WIPF2: variants seen among roughly 807,000 people sequenced by gnomAD.
WIPF2 encodes WAS/WASL interacting protein family member 2, also known as WAS/WASL-interacting protein family member 2.
A neutral mutation model predicts 38.8 loss-of-function variants in WIPF2; 23 were observed. The observed-to-expected ratio is 0.59, with a 90% CI of 0.43 to 0.84. WIPF2 has a LOEUF of 0.84. Among genes scored for constraint, WIPF2 ranks in the 40% least tolerant of loss-of-function variants. The probability of loss-of-function intolerance (pLI) is 0.00; values close to 1 mark genes in which losing one functional copy is unlikely to be tolerated. For synonymous variants in WIPF2, 210 were observed against 223.2 expected (o/e 0.94, Z 0.53); for missense variants, 574 against 580.5 (o/e 0.99, Z 0.11).
In WIPF2 at chr17:40,265,043, G is replaced by A. The variant is rs758781736; in HGVS notation, c.867G>A (p.Gly289=). 3.1e-6 allele frequency: 5 copies of A among 1,614,008 alleles called. No individual in the cohort carries two copies. Among genetic ancestry groups the A allele is most frequent in the Non-Finnish European group, 3.4e-6 (4 of 1,180,018 alleles). The change falls in exon 5 of 8, where the codon GGG becomes GGA. Residue 289 remains glycine, a synonymous_variant. Coordinates refer to ENST00000323571, the MANE Select transcript of WIPF2 (RefSeq NM_133264.5). ...ATTCTTTGCATAGGAAGACACCAGG[G>A]CCTGTCAGAGGCCTAGCACCTCCTC... ...RHNSLHRKTP[G]PVRGLAPPPP...
In WIPF2 at chr17:40,279,142, C is replaced by T. The variant is rs181317177; in HGVS notation, c.*917C>T. ...TAGGAAGATAGGGCGTGGGCCTGGG[C>T]CTTAACCTCAATCTTGTGTCTGCCT... On this transcript the variant is annotated 3_prime_UTR_variant, in exon 8 of 8. Transcript: ENST00000323571. 94 of 152,366 alleles carry T rather than the reference C, an allele frequency of 6.2e-4. No individual in the cohort carries two copies. Among genetic ancestry groups the T allele is most frequent in the Middle Eastern group, 6.8e-3 (2 of 294 alleles). The allele number at this position is 152,366 out of a possible 1,614,324, so 9.4% of individuals were successfully genotyped here. A position where few individuals can be genotyped will look rare whatever the true frequency, so the allele number is the denominator to read the frequency against.
intron 3 of WIPF2, among the ~76,000 whole-genome samples, chr17:40,261,691 G>GTT (rs1169332747): frequency 1.1e-4 from 13 of 118,262 alleles, no homozygotes; most frequent in East Asian, 2.4e-4. Context: ...GGTTTTTTTT[G>GTT]TTTTTTTTTT....
At chr17:40,249,510 C>T (rs1313983582) in intron 1 of WIPF2, among the ~76,000 whole-genome samples, 5 of 150,464 alleles carry the variant, frequency 3.3e-5, no homozygotes, top group East Asian at 3.9e-4. Context: ...AGTGCAATGG[C>T]GCAATCTTGG....
chr17:40,263,781 G>GATCT (rs1290826182), intron 4 of WIPF2, among the ~76,000 whole-genome samples: 12 of 151,506 alleles, frequency 7.9e-5, no homozygotes, highest in Non-Finnish European at 1.3e-4. Flanking sequence ...GACCTCAAGT[G>GATCT]ATCTGTCCAC....
At chr17:40,258,143 A>ATC (rs1211801439) in intron 2 of WIPF2, among the ~76,000 whole-genome samples, 5 of 152,232 alleles carry the variant, frequency 3.3e-5, no homozygotes, top group Non-Finnish European at 5.9e-5. Context: ...CACGCCTGGA[A>ATC]TCCCAGCACT....
At chr17:40,262,736 G>A (rs543272948) in intron 4 of WIPF2, 95 bp downstream of exon 4, 43 of 989,306 alleles carry the variant, frequency 4.3e-5, no homozygotes, top group South Asian at 4.0e-4. Flanking sequence ...TGGTAGAGGT[G>A]GGGGGAAGAA....
intron 5 of WIPF2, among the ~76,000 whole-genome samples, chr17:40,267,640 A>G (rs567408879): frequency 6.6e-6 from 1 of 152,242 alleles, no homozygotes; most frequent in South Asian, 2.1e-4. Flanking sequence ...CCCAGGTTCA[A>G]GTGATTGTTG....
In WIPF2 at chr17:40,278,431, G is replaced by A; in HGVS notation, c.*206G>A. Reference sequence around the variant, plus strand: ...GTGATCAGACTCTATATTGACAGTAGGATCTCAAACCCTGCATCCATCCTT... The same window carrying A: ...GTGATCAGACTCTATATTGACAGTAAGATCTCAAACCCTGCATCCATCCTT... On this transcript the variant is annotated 3_prime_UTR_variant, in exon 8 of 8. Coordinates refer to ENST00000323571, the MANE Select transcript of WIPF2 (RefSeq NM_133264.5). 1.7e-6 allele frequency: 1 copy of A among 590,472 alleles called. No homozygotes were observed. The highest frequency in any genetic ancestry group is 2.9e-5 in the East Asian group (1 of 34,416). 36.6% of individuals were successfully genotyped at this position (590,472 alleles called of 1,614,324 possible).
At chr17:40,229,299 C>T (rs192068659) in intron 1 of WIPF2, among the ~76,000 whole-genome samples, 11 of 151,854 alleles carry the variant, frequency 7.2e-5, no homozygotes, top group African/African-American at 2.2e-4. Context: ...TTAGTAGAGA[C>T]GGGGTTTCTC....
chr17:40,245,947 C>T (rs1359504107), intron 1 of WIPF2, among the ~76,000 whole-genome samples: 1 of 152,118 alleles, frequency 6.6e-6, no homozygotes, highest in Non-Finnish European at 1.5e-5. Flanking sequence ...GAGCATTGAA[C>T]AACACGTATA....
chr17:40,277,281 G>A, intron 7 of WIPF2, 97 bp downstream of exon 7: 1 of 1,041,844 alleles, frequency 9.6e-7, no homozygotes, highest in Non-Finnish European at 1.4e-6. Context: ...GGGCACAGTG[G>A]CTCATACCTA....
chr17:40,277,871 C>T (rs192971631), intron 7 of WIPF2, among the ~76,000 whole-genome samples: 380 of 151,926 alleles, frequency 2.5e-3, no homozygotes, highest in Middle Eastern at 6.8e-3. Context: ...GGATTATAGG[C>T]GTGTGCCACC....
At chr17:40,259,608 G>T (rs1264368081) in intron 2 of WIPF2, among the ~76,000 whole-genome samples, 2 of 152,134 alleles carry the variant, frequency 1.3e-5, no homozygotes, top group African/African-American at 4.8e-5. Context: ...ATAGTTTACT[G>T]TATAACTTTA....
intron 6 of WIPF2, among the ~76,000 whole-genome samples, chr17:40,275,401 CTT>C (rs1198696260): frequency 3.3e-5 from 5 of 152,178 alleles, no homozygotes; most frequent in South Asian, 2.1e-4. Context: ...ATCAGATTAA[CTT>C]TTCCAAGATT....
chr17:40,223,464 TGGA>T (rs1445653956), intron 1 of WIPF2, among the ~76,000 whole-genome samples: 1 of 151,894 alleles, frequency 6.6e-6, no homozygotes, highest in Non-Finnish European at 1.5e-5. Context: ...GTGTGAACAT[TGGA>T]GTTTTCAGGT....
intron 1 of WIPF2, among the ~76,000 whole-genome samples, chr17:40,250,608 G>A (rs1598482562): frequency 6.6e-6 from 1 of 151,910 alleles, no homozygotes; most frequent in Non-Finnish European, 1.5e-5. Context: ...CTGTGTTTCC[G>A]AACTTGAGGC....
chr17:40,234,436 C>A (rs9905347), intron 1 of WIPF2, among the ~76,000 whole-genome samples: 20,430 of 148,544 alleles, frequency 0.14, 1,449 homozygotes, highest in East Asian at 0.29. Context: ...TGTCTCAAAA[C>A]AAACAAACAA....
In WIPF2 at chr17:40,283,904, C is replaced by T. The variant is rs1480277751; in HGVS notation, c.*5679C>T. 1.3e-5 allele frequency: 2 copies of T among 152,186 alleles called. No homozygotes were observed. Among genetic ancestry groups the T allele is most frequent in the Non-Finnish European group, 2.9e-5 (2 of 68,044 alleles). The allele number at this position is 152,186 out of a possible 1,614,324, so 9.4% of individuals were successfully genotyped here. On this transcript the variant is annotated 3_prime_UTR_variant, in exon 8 of 8. Coordinates refer to ENST00000323571, the MANE Select transcript of WIPF2 (RefSeq NM_133264.5). ...GCTTAATGAGCTTAACTTGCACTTTCATCACTAGCAAAGGTCTTGAAGTTA... is the reference window on the plus strand; with the variant it reads ...GCTTAATGAGCTTAACTTGCACTTTTATCACTAGCAAAGGTCTTGAAGTTA...
At chr17:40,240,519 T>G (rs377513796) in intron 1 of WIPF2, among the ~76,000 whole-genome samples, 114 of 152,152 alleles carry the variant, frequency 7.5e-4, no homozygotes, top group South Asian at 3.9e-3. Flanking sequence ...GTTTTGTTTT[T>G]TTTTTTTACT....
Sources: allele counts gnomAD v4.1 joint callset (sites outside exome capture counted in the v4.1 genomes callset), GRCh38; gene constraint gnomAD v4.1.1; transcripts MANE v1.5; gene names NCBI Gene and HGNC (gene_info 2026-07-23, HGNC 2026-07-21).